Variants in INTS12 observed in about 807,000 individuals in gnomAD.
The protein encoded by INTS12 is integrator complex subunit 12.
In INTS12, 13 loss-of-function variants were observed where a neutral mutation model predicts 41.6. The ratio of observed to expected loss-of-function variants is 0.31; its 90% CI spans 0.20 to 0.50. The LOEUF is 0.50. Among genes scored for constraint, INTS12 ranks in the 20% least tolerant of loss-of-function variants. The probability of loss-of-function intolerance (pLI) is 0.98; values close to 1 mark genes in which losing one functional copy is unlikely to be tolerated. For synonymous variants in INTS12, 199 were observed against 191.4 expected, an observed-to-expected ratio of 1.04 and a Z score of -0.33; for missense variants, 432 against 541.6, an observed-to-expected ratio of 0.80 and a Z score of 2.01.
intron 3 of INTS12, among the ~76,000 whole-genome samples, chr4:105,699,219 T>G (rs1317936904): frequency 1.3e-5 from 2 of 152,200 alleles, no homozygotes; most frequent in Admixed American, 6.5e-5. Context: ...ATAATTAAAA[T>G]TAATTATTCA....
At chr4:105,684,775 A>AT (rs552957894) in intron 7 of INTS12, among the ~76,000 whole-genome samples, 261 of 151,998 alleles carry the variant, frequency 1.7e-3, no homozygotes, top group African/African-American at 6.0e-3. Flanking sequence ...GAAAGACCTA[A>AT]TTTTTTTTCC....
chr4:105,705,859 T>C (rs1732244259), intron 1 of INTS12: 1 of 152,220 alleles, frequency 6.6e-6, no homozygotes, highest in South Asian at 2.1e-4. Flanking sequence ...ATTATGTAAA[T>C]AATCTTTCTT....
chr4:105,700,917 G>C (rs1223530722), intron 2 of INTS12, among the ~76,000 whole-genome samples: 1 of 152,070 alleles, frequency 6.6e-6, no homozygotes, highest in Non-Finnish European at 1.5e-5. Context: ...ACCTCTCCAG[G>C]CAAGAAATTA....
Position 105,699,952 on chromosome 4 carries a change from A to G in INTS12, c.54T>C (p.Gly18=). 1 of 1,517,080 alleles carries G rather than the reference A, an allele frequency of 6.6e-7. No individual in the cohort carries two copies. The allele number at this position is 1,517,080 out of a possible 1,614,324, so 94.0% of individuals were successfully genotyped here. ...AATCTTTACTCTTTGAATGCAAGAAACCTAGTGCTTTCAAAAAAATGGGAT... is the reference window on the plus strand; with the variant it reads ...AATCTTTACTCTTTGAATGCAAGAAGCCTAGTGCTTTCAAAAAAATGGGAT... The part of the protein sequence containing the change: ...ELDPIFLKAL[G]FLHSKSKDSA... Residue 18 remains glycine (G), a synonymous_variant, in exon 3 of 8, where the codon GGT becomes GGC. Transcript: ENST00000340139.
chr4:105,683,889 A>G (rs930496640), intron 7 of INTS12, among the ~76,000 whole-genome samples: 1 of 152,164 alleles, frequency 6.6e-6, no homozygotes, highest in African/African-American at 2.4e-5. Context: ...ATTTTGAGCA[A>G]CAGTTACAGG....
intron 6 of INTS12, among the ~76,000 whole-genome samples, chr4:105,687,661 T>G (rs1436618190): frequency 6.6e-6 from 1 of 152,150 alleles, no homozygotes; most frequent in Non-Finnish European, 1.5e-5. Flanking sequence ...ACCCAGCAAC[T>G]GGCTGGGTGC....
chr4:105,692,200 G>A (rs1731714159), intron 5 of INTS12, 65 bp from the exon 6 acceptor site: 1 of 1,473,164 alleles, frequency 6.8e-7, no homozygotes, highest in Admixed American at 1.9e-5. Context: ...AGTTATTTCA[G>A]GGGCCAGGTG....
chr4:105,702,496 G>A (rs965346102), intron 2 of INTS12, among the ~76,000 whole-genome samples: 1 of 152,110 alleles, frequency 6.6e-6, no homozygotes, highest in African/African-American at 2.4e-5. Context: ...TGATAATAGT[G>A]TGTTATATAA....
chr4:105,707,617 G>T (rs997702176), intron 1 of INTS12, among the ~76,000 whole-genome samples: 3 of 152,002 alleles, frequency 2.0e-5, no homozygotes, highest in African/African-American at 2.4e-5. Flanking sequence ...CCTCTTTCAC[G>T]ACTGGGGACT....
intron 4 of INTS12, among the ~76,000 whole-genome samples, chr4:105,694,070 T>C (rs779316195): frequency 1.3e-5 from 2 of 152,168 alleles, no homozygotes; most frequent in Non-Finnish European, 2.9e-5. Flanking sequence ...TAACATGACA[T>C]ATGTATAAAG....
chr4:105,689,423 A>G (rs1731608828), intron 6 of INTS12, among the ~76,000 whole-genome samples: 2 of 152,224 alleles, frequency 1.3e-5, no homozygotes, highest in African/African-American at 4.8e-5. Flanking sequence ...CTGTTCCAAA[A>G]TTATCTCATT....
At chr4:105,707,800 A>C (rs1732347457) in intron 1 of INTS12, 1 of 218,286 alleles carries the variant, frequency 4.6e-6, no homozygotes, top group African/African-American at 2.3e-5. Context: ...CGAATGAACG[A>C]ACTAGGTTTT....
rs781363003 is a variant in INTS12 at position 105,693,443 on chromosome 4, G to C, written c.353C>G (p.Pro118Arg). The change falls in exon 5 of 8, where the codon CCT (proline) becomes CGT (arginine). Residue 118 changes from proline to arginine, a missense_variant. Physicochemically the swap from Pro to Arg is moderately radical, Grantham distance 103 (BLOSUM62 -2). Transcript: ENST00000340139. ...CTGTGTTTCTGGTTTCTCCAATCTA[G>C]GTTTCTTTGGAATATCAACTCCTTC... ...ITEGVDIPKK[P>R]RLEKPETQSS... is the part of the protein sequence containing the mutation. 6.2e-7 allele frequency: 1 copy of C among 1,613,336 alleles called. No individual in the cohort carries two copies.
intron 4 of INTS12, among the ~76,000 whole-genome samples, chr4:105,694,303 A>T (rs1016868301): frequency 6.6e-6 from 1 of 152,114 alleles, no homozygotes; most frequent in Non-Finnish European, 1.5e-5. Context: ...CAAAGGATAT[A>T]CACACACACA....
rs1731373918 is a variant in INTS12 at position 105,683,046 on chromosome 4, G to A, written c.1076C>T (p.Pro359Leu). Reference sequence around the variant, plus strand: ...GGTTAGAGGTGGAGGTGGTTTTAAAGGTACAGTGGGCGTAGTGCTGTTATT... The same window carrying A: ...GGTTAGAGGTGGAGGTGGTTTTAAAAGTACAGTGGGCGTAGTGCTGTTATT... ...GSNNSTTPTV[P>L]LKPPPPLTLG... is the part of the protein sequence containing the mutation. Residue 359 changes from proline to leucine, a missense_variant, in exon 8 of 8, where the codon CCT becomes CTT. Physicochemically the swap from Pro to Leu is moderately conservative, Grantham distance 98. Transcript: ENST00000340139. 6.2e-7 allele frequency: 1 copy of A among 1,614,126 alleles called. No individual in the cohort carries two copies. The highest frequency in any genetic ancestry group is 2.2e-5 in the East Asian group (1 of 44,878).
At chr4:105,698,997 T>C (rs975802355) in intron 3 of INTS12, among the ~76,000 whole-genome samples, 4 of 152,110 alleles carry the variant, frequency 2.6e-5, no homozygotes, top group Non-Finnish European at 4.4e-5. Context: ...ATAATAAGAG[T>C]TGTCATTCAG....
chr4:105,707,993 T>A (rs1343448257), intron 1 of INTS12: 5 of 985,326 alleles, frequency 5.1e-6, no homozygotes, highest in Non-Finnish European at 4.8e-6. Flanking sequence ...ACTGTTCACA[T>A]AGAGTGCAGT....
intron 3 of INTS12, among the ~76,000 whole-genome samples, chr4:105,699,522 T>C (rs1300229779): frequency 1.3e-5 from 2 of 152,104 alleles, no homozygotes; most frequent in East Asian, 3.9e-4. Context: ...TATTAGGCAA[T>C]AATTAGAAGT....
intron 7 of INTS12, among the ~76,000 whole-genome samples, chr4:105,685,169 T>C (rs1300310651): frequency 6.6e-6 from 1 of 152,078 alleles, no homozygotes; most frequent in African/African-American, 2.4e-5. Context: ...ATGGGAACAA[T>C]TTTTTTATAG....
Sources: gnomAD v4.1 joint callset for allele counts (sites outside exome capture counted in the v4.1 genomes callset) on GRCh38, gnomAD v4.1.1 for gene constraint, MANE v1.5 for transcripts, NCBI Gene and HGNC (gene_info 2026-07-23, HGNC 2026-07-21) for gene names.